UTP6: variants seen among roughly 807,000 people sequenced by gnomAD.
UTP6 encodes UTP6 small subunit processome component.
A neutral mutation model predicts 96.5 loss-of-function variants in UTP6; 60 were observed. The observed-to-expected ratio is 0.62, with a 90% CI of 0.51 to 0.77. The LOEUF is 0.77. Ranked by LOEUF, UTP6 falls within the 30% of genes least tolerant of loss-of-function variation. UTP6 has a pLI of 0.00. For missense variants in UTP6, 637 were observed against 706.5 expected (o/e 0.90, Z 1.12); for synonymous variants, 215 against 240.1 (o/e 0.90, Z 0.96).
At chr17:31,873,913 T>G in intron 14 of UTP6, 160 bp from the exon 15 acceptor site, 1 of 703,416 alleles carries the variant, frequency 1.4e-6, no homozygotes, top group South Asian at 2.2e-5. Context: ...AGGTTCCTCC[T>G]AAGATAATCA....
intron 7 of UTP6, 101 bp downstream of exon 7, chr17:31,889,184 G>A: frequency 1.2e-6 from 1 of 803,368 alleles, no homozygotes; most frequent in Non-Finnish European, 1.9e-6. Flanking sequence ...CTACTCGGGA[G>A]GCTGAGGCGT....
At chr17:31,863,649 CAAT>C (rs1206979526) in intron 18 of UTP6, 133 bp from the exon 19 acceptor site, 7 of 777,848 alleles carry the variant, frequency 9.0e-6, no homozygotes, top group Non-Finnish European at 1.4e-5. Context: ...CTTTGTTTAA[CAAT>C]ACCTCTCTTA....
intron 10 of UTP6, among the ~76,000 whole-genome samples, chr17:31,882,509 C>A (rs7222479): frequency 6.6e-6 from 1 of 151,842 alleles, no homozygotes; most frequent in Non-Finnish European, 1.5e-5. Flanking sequence ...TTAGTAGAGA[C>A]GGGGTTTCAC....
At chr17:31,870,834 G>C (rs764699518) in intron 16 of UTP6, among the ~76,000 whole-genome samples, 1 of 150,388 alleles carries the variant, frequency 6.6e-6, no homozygotes, top group Non-Finnish European at 1.5e-5. Context: ...TTTTTGTTTT[G>C]AGACAGGGTC....
chr17:31,884,438 T>C lies in UTP6; in HGVS notation c.771A>G (p.Lys257=), dbSNP rs1444858619. The part of the protein sequence containing the change: ...QLFDFAKDLQ[K]EIYDDLQALH... Reference sequence around the variant, plus strand: ...ACTTTACTTACTCATCATAAATCTCTTTTTGTAGATCTTTGGCAAAGTCAA... The same window carrying C: ...ACTTTACTTACTCATCATAAATCTCCTTTTGTAGATCTTTGGCAAAGTCAA... Residue 257 remains lysine, a synonymous_variant, in exon 10 of 19, where the codon AAA becomes AAG. Coordinates refer to ENST00000261708, the MANE Select transcript of UTP6 (RefSeq NM_018428.3). The C allele has an allele frequency of 7.4e-6, 12 of 1,611,320 alleles. No individual in the cohort carries two copies. The highest frequency in any genetic ancestry group is 1.0e-5 in the Non-Finnish European group (12 of 1,178,844).
intron 2 of UTP6, among the ~76,000 whole-genome samples, chr17:31,896,593 T>C (rs1342040331): frequency 6.6e-6 from 1 of 152,186 alleles, no homozygotes; most frequent in Non-Finnish European, 1.5e-5. Context: ...TCTCACATTT[T>C]GTGGCTTGTA....
At chr17:31,881,617 T>C (rs117827435) in intron 10 of UTP6, among the ~76,000 whole-genome samples, 2,527 of 152,272 alleles carry the variant, frequency 0.017, 34 homozygotes, top group Middle Eastern at 0.031. Flanking sequence ...TCAGGTATCA[T>C]TCACAAATGT....
intron 4 of UTP6, among the ~76,000 whole-genome samples, chr17:31,893,734 CAAAAAAAAA>C (rs3084042): frequency 3.6e-5 from 3 of 84,466 alleles, no homozygotes; most frequent in African/African-American, 8.3e-5. Context: ...CATCCCCCAC[CAAAAAAAAA>C]AAAAAAAAAA....
At chr17:31,875,491 T>C in intron 13 of UTP6, 78 bp from the exon 14 acceptor site, 3 of 1,468,180 alleles carry the variant, frequency 2.0e-6, no homozygotes, top group Non-Finnish European at 2.8e-6. Context: ...CTATGCCTCA[T>C]TTGAGGCAAG....
At position 31,861,961 on chromosome 17, in the gene UTP6, T is replaced by C. The variant is rs967834815; in HGVS notation, c.*1398A>G. On this transcript the variant is annotated 3_prime_UTR_variant, in exon 19 of 19. Transcript: ENST00000261708. The stretch of plus-strand genomic sequence containing the variant: ...GGATGTGAACAAAGATTGACAAGAA[T>C]CTTCATCAACAGCATTTATCTAATT... 1.3e-5 allele frequency: 2 copies of C among 152,166 alleles called. No individual in the cohort carries two copies. The highest frequency in any genetic ancestry group is 4.8e-5 in the African/African-American group (2 of 41,442). The allele number at this position is 152,166 out of a possible 1,614,324, so 9.4% of individuals were successfully genotyped here.
rs1276702079 is a variant in UTP6 at position 31,884,404 on chromosome 17, T to C, written c.785+20A>G. ...AAGATCAGAAATAGATATATTCACC[T>C]TTCTACTAACTTTACTTACTCATCA... is the stretch of plus-strand genomic sequence containing the variant. On this transcript the variant is annotated intron_variant, in intron 10 of 18. Coordinates refer to ENST00000261708, the MANE Select transcript of UTP6 (RefSeq NM_018428.3). 1 of 1,579,270 alleles carries C rather than the reference T, an allele frequency of 6.3e-7. No homozygotes were observed. Among genetic ancestry groups the C allele is most frequent in the Non-Finnish European group, 8.7e-7 (1 of 1,155,636 alleles).
intron 2 of UTP6, among the ~76,000 whole-genome samples, chr17:31,898,107 A>G (rs1904762014): frequency 6.6e-6 from 1 of 152,166 alleles, no homozygotes; most frequent in Non-Finnish European, 1.5e-5. Flanking sequence ...AAACGACAAG[A>G]GAGAAAGAGG....
chr17:31,878,092 G>C (rs1910604504), intron 13 of UTP6, among the ~76,000 whole-genome samples, 158 bp downstream of exon 13: 1 of 151,810 alleles, frequency 6.6e-6, no homozygotes, highest in Non-Finnish European at 1.5e-5. Flanking sequence ...TTTTTGCATA[G>C]GCCAAATACT....
intron 16 of UTP6, 30 bp downstream of exon 16, chr17:31,873,348 C>G (rs1910298991): frequency 6.2e-7 from 1 of 1,603,388 alleles, no homozygotes; most frequent in Non-Finnish European, 8.5e-7. Context: ...GGTAGAGGGA[C>G]TAGTAACAAC....
intron 6 of UTP6, 30 bp downstream of exon 6, chr17:31,892,230 A>G (rs2142319729): frequency 6.2e-7 from 1 of 1,606,948 alleles, no homozygotes; most frequent in Non-Finnish European, 8.5e-7. Flanking sequence ...TAAATAAAAC[A>G]TAGAAAAATT....
Position 31,889,214 on chromosome 17 carries a change from GA to G in UTP6, c.543+70del, listed in dbSNP as rs879076492. On this transcript the variant is annotated intron_variant, in intron 7 of 18. Coordinates refer to ENST00000261708, the MANE Select transcript of UTP6 (RefSeq NM_018428.3). ...AGGCGTAAGAATTGCTTGAATCCAG[GA>G]AAAAAAAATATGTCTCCAGAGGACC... 786 of 1,190,960 alleles carry G rather than the reference GA, an allele frequency of 6.6e-4. 1 individual carries two copies. Among genetic ancestry groups the G allele is most frequent in the South Asian group, 3.3e-3 (197 of 60,408 alleles). The allele number at this position is 1,190,960 out of a possible 1,614,324, so 73.8% of individuals were successfully genotyped here. A position where few individuals can be genotyped will look rare whatever the true frequency, so the allele number is the denominator to read the frequency against.
In UTP6 at chr17:31,884,515, A is replaced by T. The variant is rs755025905; in HGVS notation, c.704-10T>A. 1.2e-6 allele frequency: 2 copies of T among 1,608,542 alleles called. No homozygotes were observed. Among genetic ancestry groups the T allele is most frequent in the African/African-American group, 2.7e-5 (2 of 74,794 alleles). ...ACGTGAAATTCTGCACCTAAATTTA[A>T]AAAGCAGGGGAGGGGAAGTTTATTG... is the stretch of plus-strand genomic sequence containing the variant. On this transcript the variant is annotated splice_polypyrimidine_tract_variant and intron_variant, in intron 9 of 18. Transcript: ENST00000261708.
chr17:31,887,420 T>C, intron 7 of UTP6, 107 bp from the exon 8 acceptor site: 1 of 828,432 alleles, frequency 1.2e-6, no homozygotes, highest in Non-Finnish European at 1.9e-6. Context: ...TGATGACAGC[T>C]CATTTCGGCC....
intron 17 of UTP6, among the ~76,000 whole-genome samples, chr17:31,866,917 A>G (rs1486354117): frequency 7.3e-6 from 1 of 136,850 alleles, no homozygotes; most frequent in Non-Finnish European, 1.6e-5. Context: ...AAAAAAAGTC[A>G]ATTTAACCTC....
Sources: gnomAD v4.1 joint callset for allele counts (sites outside exome capture counted in the v4.1 genomes callset) on GRCh38, gnomAD v4.1.1 for gene constraint, MANE v1.5 for transcripts, NCBI Gene and HGNC (gene_info 2026-07-23, HGNC 2026-07-21) for gene names.